Variants in LHX4 observed in about 807,000 individuals in gnomAD.
The protein encoded by LHX4 is LIM/homeobox protein Lhx4.
Under a neutral mutation model 39.2 loss-of-function variants are expected in LHX4, and 16 were observed. That is an observed-to-expected ratio of 0.41 (90% confidence interval 0.28 to 0.62). The LOEUF is 0.62. Among genes scored for constraint, LHX4 ranks in the 20% least tolerant of loss-of-function variants. The probability of loss-of-function intolerance (pLI) is 0.33; values close to 1 mark genes in which losing one functional copy is unlikely to be tolerated. For synonymous variants in LHX4, 206 were observed against 198.1 expected (o/e 1.04, Z -0.33); for missense variants, 439 against 511.9 (o/e 0.86, Z 1.37).
chr1:180,231,825 G>A (rs1441972569), intron 1 of LHX4, among the ~76,000 whole-genome samples: 1 of 152,152 alleles, frequency 6.6e-6, no homozygotes, highest in Admixed American at 6.5e-5. Flanking sequence ...GGGTTTCCAT[G>A]GCAGGGTTTC....
chr1:180,252,400 G>T (rs1647669535), intron 2 of LHX4, among the ~76,000 whole-genome samples: 1 of 152,220 alleles, frequency 6.6e-6, no homozygotes, highest in Non-Finnish European at 1.5e-5. Flanking sequence ...GATGCTCTTA[G>T]CTGTGGAGTT....
intron 5 of LHX4, among the ~76,000 whole-genome samples, chr1:180,272,279 G>A (rs981715234): frequency 1.3e-5 from 2 of 152,098 alleles, no homozygotes; most frequent in Admixed American, 6.5e-5. Context: ...CCTGCTGACT[G>A]GGGCCTCCCT....
At chr1:180,261,366 G>A (rs1050525899) in intron 2 of LHX4, among the ~76,000 whole-genome samples, 2 of 147,648 alleles carry the variant, frequency 1.4e-5, no homozygotes, top group Non-Finnish European at 3.0e-5. Context: ...GCTAATGACA[G>A]CAGAGGCAAA....
At chr1:180,228,767 G>A (rs1664084452), upstream of LHX4, among the ~76,000 whole-genome samples, 1 of 152,158 alleles carries the variant, frequency 6.6e-6, no homozygotes, top group Non-Finnish European at 1.5e-5. Context: ...ATTCTCCCCC[G>A]CCCCATGCTC....
chr1:180,259,134 C>CAG (rs1461215644), intron 2 of LHX4, among the ~76,000 whole-genome samples: 20 of 151,696 alleles, frequency 1.3e-4, no homozygotes, highest in Admixed American at 1.3e-4. Flanking sequence ...GGAGGAGGAG[C>CAG]AGGAGCAGAG....
At chr1:180,231,122 T>C (rs979629273) in intron 1 of LHX4, among the ~76,000 whole-genome samples, 1 of 149,516 alleles carries the variant, frequency 6.7e-6, no homozygotes, top group South Asian at 2.1e-4. Flanking sequence ...GCGTGCCGGG[T>C]GAGTCCCCAG....
chr1:180,263,233 CG>C (rs1265476046), intron 2 of LHX4, among the ~76,000 whole-genome samples: 1 of 152,184 alleles, frequency 6.6e-6, no homozygotes, highest in East Asian at 1.9e-4. Flanking sequence ...AGTTTTACCT[CG>C]TGTGGGGCCA....
At chr1:180,262,549 C>A (rs2149261882) in intron 2 of LHX4, among the ~76,000 whole-genome samples, 1 of 152,146 alleles carries the variant, frequency 6.6e-6, no homozygotes, top group South Asian at 2.1e-4. Flanking sequence ...AAACACTTAC[C>A]AAAGTATGCA....
In LHX4 at chr1:180,232,833, G is replaced by C. The variant is rs866706301; in HGVS notation, c.76+2228G>C. Among the ~76,000 whole-genome samples the C allele has an allele frequency of 3.0e-4, 45 of 152,340 alleles. No individual in the cohort carries two copies. In the Middle Eastern group the frequency reaches 0.02, roughly 69 times the overall value. On this transcript the variant is annotated intron_variant, in intron 1 of 5. Transcript: ENST00000263726. This position sits in a 1 kb window ranked among gnomAD's most constrained non-coding sequence, Gnocchi z 5.4. ...ACTGGGCCCAGTGGCCTAAGAAGGGGGGAAGCTCGAGGGGTTGTGGGGCAC... is the reference window on the plus strand; with the variant it reads ...ACTGGGCCCAGTGGCCTAAGAAGGGCGGAAGCTCGAGGGGTTGTGGGGCAC...
chr1:180,237,490 G>A (rs2149253073), intron 1 of LHX4, among the ~76,000 whole-genome samples: 1 of 152,294 alleles, frequency 6.6e-6, no homozygotes. Flanking sequence ...GGGGGTAGGT[G>A]GACAGGTTGG....
chr1:180,278,116 C>T lies in LHX4; in HGVS notation c.*3537C>T, dbSNP rs1417173827. 1 of 152,188 alleles carries T rather than the reference C, an allele frequency of 6.6e-6. No homozygotes were observed. The highest frequency in any genetic ancestry group is 1.5e-5 in the Non-Finnish European group (1 of 68,044). The allele number at this position is 152,188 out of a possible 1,614,324, so 9.4% of individuals were successfully genotyped here. A position where few individuals can be genotyped will look rare whatever the true frequency, so the allele number is the denominator to read the frequency against. ...TCTCTGCACCTACACTTCCACGTGC[C>T]ACGACTGACAACTTGGTTATAACCA... On this transcript the variant is annotated 3_prime_UTR_variant, in exon 6 of 6. Coordinates refer to ENST00000263726, the MANE Select transcript of LHX4 (RefSeq NM_033343.4).
chr1:180,240,933 G>A (rs1664431490), intron 1 of LHX4, among the ~76,000 whole-genome samples: 1 of 152,162 alleles, frequency 6.6e-6, no homozygotes, highest in African/African-American at 2.4e-5. Context: ...AAGCTTCCTC[G>A]ATGAAGAAGG....
chr1:180,240,782 C>T (rs545113846), intron 1 of LHX4, among the ~76,000 whole-genome samples: 10 of 152,120 alleles, frequency 6.6e-5, no homozygotes, highest in South Asian at 2.1e-4. Flanking sequence ...TCCCAGCTTT[C>T]GGAAACCATT....
At chr1:180,238,071 C>G (rs1664366144) in intron 1 of LHX4, among the ~76,000 whole-genome samples, 1 of 152,126 alleles carries the variant, frequency 6.6e-6, no homozygotes, top group African/African-American at 2.4e-5. Context: ...GGAGATAATC[C>G]CTGCAAATAC....
intron 1 of LHX4, among the ~76,000 whole-genome samples, chr1:180,244,952 C>T (rs368626359): frequency 2.6e-5 from 4 of 152,252 alleles, no homozygotes; most frequent in Admixed American, 1.3e-4. Context: ...CCTCCTGCCA[C>T]GGCTGTGCCC....
At chr1:180,249,963 AGT>A (rs1359329013) in intron 2 of LHX4, among the ~76,000 whole-genome samples, 2 of 150,858 alleles carry the variant, frequency 1.3e-5, no homozygotes, top group Non-Finnish European at 3.0e-5. Flanking sequence ...TGAGAGTGTG[AGT>A]GTTGTGTGTG....
chr1:180,242,315 G>A (rs1227360655), intron 1 of LHX4, among the ~76,000 whole-genome samples: 2 of 152,082 alleles, frequency 1.3e-5, no homozygotes, highest in South Asian at 4.1e-4. Context: ...ATGTGAATAT[G>A]CATGTACATT....
At chr1:180,233,076 C>T (rs971420920) in intron 1 of LHX4, among the ~76,000 whole-genome samples, 11 of 152,328 alleles carry the variant, frequency 7.2e-5, no homozygotes, top group East Asian at 3.9e-4. Context: ...GCCCTCCCCT[C>T]TAGGGGCATT....
chr1:180,250,253 C>T (rs1289022108), intron 2 of LHX4, among the ~76,000 whole-genome samples: 1 of 151,946 alleles, frequency 6.6e-6, no homozygotes, highest in Non-Finnish European at 1.5e-5. Context: ...ATTTTCCTTC[C>T]TCTATGATGT....
Sources: allele counts gnomAD v4.1 joint callset (sites outside exome capture counted in the v4.1 genomes callset), GRCh38; gene constraint gnomAD v4.1.1; non-coding constraint Gnocchi (gnomAD v3.1); transcripts MANE v1.5; gene names NCBI Gene and HGNC (gene_info 2026-07-23, HGNC 2026-07-21).